The following TUBAL3 variants were observed in gnomAD, a reference collection of about 807,000 sequenced individuals.
TUBAL3 encodes the protein tubulin alpha chain-like 3.
Under a neutral mutation model 15.5 loss-of-function variants are expected in TUBAL3, and 16 were observed. The ratio of observed to expected loss-of-function variants is 1.04; its 90% confidence interval spans 0.70 to 1.57. The LOEUF (loss-of-function observed/expected upper bound fraction) is 1.57, where lower values mean the gene tolerates loss of function less well. TUBAL3 is among the 40% of genes most tolerant of loss of function. The pLI is 0.00. For synonymous variants in TUBAL3, 238 were observed against 224.3 expected (o/e 1.06, Z -0.55); for missense variants, 609 against 576.2 (o/e 1.06, Z -0.58).
rs1554814215 is a variant in TUBAL3 at position 5,397,052 on chromosome 10, TA to T, written c.248-1578del. Among the ~76,000 whole-genome samples, 1 of 152,086 alleles carries T rather than the reference TA, an allele frequency of 6.6e-6. No homozygotes were observed. Among genetic ancestry groups the T allele is most frequent in the Non-Finnish European group, 1.5e-5 (1 of 67,996 alleles). On this transcript the variant is annotated intron_variant, in intron 2 of 3. Transcript: ENST00000380419. This position sits in a 1 kb window ranked among gnomAD's most constrained non-coding sequence, Gnocchi z 4.9. ...GCACGGCCCATATAACAACAGCAAT[TA>T]TAAGTAACAATGATAGAACTGGCTT...
At position 5,395,523 on chromosome 10, in the gene TUBAL3, G is replaced by C. The variant is rs898960862; in HGVS notation, c.248-48C>G. 4 of 1,371,988 alleles carry C rather than the reference G, an allele frequency of 2.9e-6. No homozygotes were observed. Among genetic ancestry groups the C allele is most frequent in the Non-Finnish European group, 3.8e-6 (4 of 1,048,066 alleles). The allele number at this position is 1,371,988 out of a possible 1,614,324, so 85.0% of individuals were successfully genotyped here. Reference sequence around the variant, plus strand: ...AGTGCAACTCACCCAGTGCAATTCAGCCGTCCACCTGCTGCTAGTCCTCCT... The same window carrying C: ...AGTGCAACTCACCCAGTGCAATTCACCCGTCCACCTGCTGCTAGTCCTCCT... On this transcript the variant is annotated intron_variant, in intron 2 of 3. Transcript: ENST00000380419. The surrounding 1 kb of genome is among the most constrained non-coding windows in gnomAD (Gnocchi z 4.6).
In TUBAL3 at chr10:5,398,945, T is replaced by C. The variant is rs185142606; in HGVS notation, c.247+1899A>G. Among the ~76,000 whole-genome samples, 4 of 152,364 alleles carry C rather than the reference T, an allele frequency of 2.6e-5. No individual in the cohort carries two copies. The East Asian group carries it at 7.7e-4, about 29-fold the overall frequency. ...TTTTTTAGATTAAAAAATAGTCATA[T>C]ACTGGCAATTTTATATGGCTCAATT... is the stretch of plus-strand genomic sequence containing the variant. On this transcript the variant is annotated intron_variant, in intron 2 of 3. Coordinates refer to ENST00000380419, the MANE Select transcript of TUBAL3 (RefSeq NM_024803.3).
At chr10:5,401,706 A>C (rs1378486367) in intron 1 of TUBAL3, among the ~76,000 whole-genome samples, 1 of 152,186 alleles carries the variant, frequency 6.6e-6, no homozygotes, top group Non-Finnish European at 1.5e-5. Context: ...GTTTTATAAC[A>C]AACATATAGA....
chr10:5,396,436 G>A lies in TUBAL3; in HGVS notation c.248-961C>T, dbSNP rs535780113. ...AGGCAGGAGAATCACTTCAACCCAGGAGGTTGCAGTGAGTGGAGATCACGC... is the reference window on the plus strand; with the variant it reads ...AGGCAGGAGAATCACTTCAACCCAGAAGGTTGCAGTGAGTGGAGATCACGC... On this transcript the variant is annotated intron_variant, in intron 2 of 3. Coordinates refer to ENST00000380419, the MANE Select transcript of TUBAL3 (RefSeq NM_024803.3). The surrounding 1 kb of genome is among the most constrained non-coding windows in gnomAD (Gnocchi z 5.1). Among the ~76,000 whole-genome samples the A allele has an allele frequency of 6.6e-6, 1 of 152,228 alleles. No homozygotes were observed. The highest frequency in any genetic ancestry group is 1.5e-5 in the Non-Finnish European group (1 of 68,012).
intron 1 of TUBAL3, among the ~76,000 whole-genome samples, chr10:5,404,499 T>G (rs1239626010): frequency 6.6e-6 from 1 of 151,906 alleles, no homozygotes; most frequent in Non-Finnish European, 1.5e-5. Context: ...AAAACAAAGG[T>G]GAAAACTAAA....
At chr10:5,403,048 C>G (rs1188532269) in intron 1 of TUBAL3, among the ~76,000 whole-genome samples, 1 of 152,214 alleles carries the variant, frequency 6.6e-6, no homozygotes, top group African/African-American at 2.4e-5. Context: ...CTCTGTGATT[C>G]ACAAGGCATA....
chr10:5,394,049 G>A lies in TUBAL3; in HGVS notation c.809C>T (p.Pro270Leu), dbSNP rs140777769. The A allele has an allele frequency of 2.6e-5, 42 of 1,614,022 alleles. No individual in the cohort carries two copies. Among genetic ancestry groups the A allele is most frequent in the East Asian group, 4.5e-5 (2 of 44,902 alleles). The change falls in exon 4 of 4, where the codon CCG becomes CTG. Residue 270 changes from proline (P) to leucine (L), a missense_variant. Pro to Leu is a moderately conservative substitution (Grantham distance 98). Coordinates refer to ENST00000380419, the MANE Select transcript of TUBAL3 (RefSeq NM_024803.3). The surrounding 1 kb of genome is among the most constrained non-coding windows in gnomAD (Gnocchi z 4.3). ...IEFQTNLVPYPRIHFPMTAFA... is the reference protein window; with the variant it reads ...IEFQTNLVPYLRIHFPMTAFA... ...GGCTGTCATGGGGAAATGTATTCTC[G>A]GATAAGGTACCAGGTTGGTCTGGAA...
At position 5,395,512 on chromosome 10, in the gene TUBAL3, A is replaced by G; in HGVS notation, c.248-37T>C. The G allele has an allele frequency of 7.2e-7, 1 of 1,396,772 alleles. No homozygotes were observed. The highest frequency in any genetic ancestry group is 9.4e-7 in the Non-Finnish European group (1 of 1,059,918). The allele number at this position is 1,396,772 out of a possible 1,614,324, so 86.5% of individuals were successfully genotyped here. ...GAAAGGAGGTCAGTGCAACTCACCC[A>G]GTGCAATTCAGCCGTCCACCTGCTG... is the stretch of plus-strand genomic sequence containing the variant. On this transcript the variant is annotated intron_variant, in intron 2 of 3. Coordinates refer to ENST00000380419, the MANE Select transcript of TUBAL3 (RefSeq NM_024803.3). The surrounding 1 kb of genome is among the most constrained non-coding windows in gnomAD (Gnocchi z 4.6).
rs199808571 is a variant in TUBAL3, at chr10:5,404,781, G to A, written c.3+9C>T. 1.7e-5 allele frequency: 27 copies of A among 1,613,464 alleles called. No homozygotes were observed. Among genetic ancestry groups the A allele is most frequent in the Non-Finnish European group, 2.0e-5 (24 of 1,179,674 alleles). ...TCCTACAACAATGCATAGGCGTGTAGTCACTTACCATGCTGATGAGAACGT... is the reference window on the plus strand; with the variant it reads ...TCCTACAACAATGCATAGGCGTGTAATCACTTACCATGCTGATGAGAACGT... On this transcript the variant is annotated intron_variant, in intron 1 of 3. Transcript: ENST00000380419.
At position 5,394,735 on chromosome 10, in the gene TUBAL3, G is replaced by A. The variant is rs782143010; in HGVS notation, c.397-274C>T. On this transcript the variant is annotated intron_variant, in intron 3 of 3. Transcript: ENST00000380419. This position sits in a 1 kb window ranked among gnomAD's most constrained non-coding sequence, Gnocchi z 4.3. Reference sequence around the variant, plus strand: ...TCTGTGCATTTATCGGTATGTGATCGCAAACAAGGCCTTCATCAATAACAA... The same window carrying A: ...TCTGTGCATTTATCGGTATGTGATCACAAACAAGGCCTTCATCAATAACAA... Among the ~76,000 whole-genome samples the A allele has an allele frequency of 7.9e-5, 12 of 152,144 alleles. No homozygotes were observed. Among genetic ancestry groups the A allele is most frequent in the African/African-American group, 2.7e-4 (11 of 41,426 alleles).
intron 1 of TUBAL3, among the ~76,000 whole-genome samples, chr10:5,404,009 A>G (rs891872576): frequency 2.6e-5 from 4 of 152,258 alleles, no homozygotes; most frequent in African/African-American, 7.2e-5. Flanking sequence ...TTGCAAGACC[A>G]TAATACAAAA....
In TUBAL3 at chr10:5,395,573, A is replaced by G. The variant is rs966703719; in HGVS notation, c.248-98T>C. The stretch of plus-strand genomic sequence containing the variant: ...TGGAGCCTCCCCGTACTTGACTCCC[A>G]TGCTTTCTCTCAATATTGTGGTCCA... On this transcript the variant is annotated intron_variant, in intron 2 of 3. Transcript: ENST00000380419. The surrounding 1 kb of genome is among the most constrained non-coding windows in gnomAD (Gnocchi z 4.6). 1.9e-5 allele frequency: 24 copies of G among 1,251,912 alleles called. No homozygotes were observed. The highest frequency in any genetic ancestry group is 2.2e-5 in the Non-Finnish European group (21 of 952,664). The allele number at this position is 1,251,912 out of a possible 1,614,324, so 77.6% of individuals were successfully genotyped here. A position where few individuals can be genotyped will look rare whatever the true frequency, so the allele number is the denominator to read the frequency against.
chr10:5,394,235 G>T lies in TUBAL3; in HGVS notation c.623C>A (p.Thr208Asn). 1.9e-6 allele frequency: 3 copies of T among 1,614,180 alleles called. No individual in the cohort carries two copies. The highest frequency in any genetic ancestry group is 1.7e-6 in the Non-Finnish European group (2 of 1,180,032). ...GACGGCCTCGTTGTCCACCATGAAG[G>T]TACAGTCCGTGTGCTCTGTGGTGGA... is the stretch of plus-strand genomic sequence containing the variant. Reference protein sequence around the residue: ...THSTTEHTDCTFMVDNEAVYD... With the variant: ...THSTTEHTDCNFMVDNEAVYD... The change falls in exon 4 of 4, where the codon ACC becomes AAC. Residue 208 changes from threonine to asparagine, a missense_variant. By Grantham distance (65) the Thr-to-Asn change is moderately conservative (BLOSUM62 0). Transcript: ENST00000380419. This position sits in a 1 kb window ranked among gnomAD's most constrained non-coding sequence, Gnocchi z 4.3.
intron 2 of TUBAL3, among the ~76,000 whole-genome samples, chr10:5,398,154 C>T (rs1428065349): frequency 6.6e-6 from 1 of 152,126 alleles, no homozygotes; most frequent in African/African-American, 2.4e-5. Flanking sequence ...GGTGCAGTGG[C>T]TCTTGCCTAT....
chr10:5,398,047 G>C (rs782312448), intron 2 of TUBAL3, among the ~76,000 whole-genome samples: 1 of 152,216 alleles, frequency 6.6e-6, no homozygotes, highest in Non-Finnish European at 1.5e-5. Context: ...AGCACTTTGG[G>C]AGGCCAAGGT....
At position 5,393,418 on chromosome 10, in the gene TUBAL3, T is replaced by C. The variant is rs1157304909; in HGVS notation, c.*99A>G. 1.8e-6 allele frequency: 2 copies of C among 1,090,694 alleles called. No homozygotes were observed. Among genetic ancestry groups the C allele is most frequent in the African/African-American group, 1.6e-5 (1 of 63,860 alleles). 67.6% of individuals were successfully genotyped at this position (1,090,694 alleles called of 1,614,324 possible). A position where few individuals can be genotyped will look rare whatever the true frequency, so the allele number is the denominator to read the frequency against. On this transcript the variant is annotated 3_prime_UTR_variant, in exon 4 of 4. Transcript: ENST00000380419. ...GAGTCTTGCCTGATTTGAGTTCATTTTTCTGCTCATCAGGGGAACTACCCA... is the reference window on the plus strand; with the variant it reads ...GAGTCTTGCCTGATTTGAGTTCATTCTTCTGCTCATCAGGGGAACTACCCA...
chr10:5,403,790 G>A lies in TUBAL3; in HGVS notation c.3+1000C>T, dbSNP rs1831892565. Among the ~76,000 whole-genome samples, 4 of 152,092 alleles carry A rather than the reference G, an allele frequency of 2.6e-5. 1 individual carries two copies. The South Asian group carries it at 6.2e-4, about 24-fold the overall frequency. ...AAAATATTAGTCACACTATAAAGTA[G>A]AAGACTATAAAATGTCCACTGAACG... On this transcript the variant is annotated intron_variant, in intron 1 of 3. Transcript: ENST00000380419.
intron 2 of TUBAL3, among the ~76,000 whole-genome samples, chr10:5,400,062 T>C (rs2119145791): frequency 6.6e-6 from 1 of 152,326 alleles, no homozygotes; most frequent in African/African-American, 2.4e-5. Context: ...TAGCTCCATT[T>C]CAAGAGTTTT....
In TUBAL3 at chr10:5,394,273, G is replaced by T; in HGVS notation, c.585C>A (p.Val195=). The part of the protein sequence containing the change: ...STAVVEPYNS[V]LTTHSTTEHT... The stretch of plus-strand genomic sequence containing the variant: ...GCTCTGTGGTGGAGTGGGTGGTGAG[G>T]ACAGAGTTATAAGGCTCTACCACAG... The change falls in exon 4 of 4, where the codon GTC becomes GTA. Residue 195 remains valine (V), a synonymous_variant. Transcript: ENST00000380419. The surrounding 1 kb of genome is among the most constrained non-coding windows in gnomAD (Gnocchi z 4.3). The T allele has an allele frequency of 3.1e-6, 5 of 1,614,168 alleles. No individual in the cohort carries two copies. The highest frequency in any genetic ancestry group is 1.3e-5 in the African/African-American group (1 of 75,030).
Sources: allele counts gnomAD v4.1 joint callset (sites outside exome capture counted in the v4.1 genomes callset), GRCh38; gene constraint gnomAD v4.1.1; non-coding constraint Gnocchi (gnomAD v3.1); transcripts MANE v1.5; gene names NCBI Gene and HGNC (gene_info 2026-07-23, HGNC 2026-07-21).